Variants in KIRREL3 observed in about 807,000 individuals in gnomAD.
The protein encoded by KIRREL3 is kirre like nephrin family adhesion molecule 3.
Under a neutral mutation model 89.7 loss-of-function variants are expected in KIRREL3, and 36 were observed. The ratio of observed to expected loss-of-function variants is 0.40; its 90% confidence interval spans 0.31 to 0.53. The LOEUF is 0.53. KIRREL3 is among the 20% of genes least tolerant of loss of function. KIRREL3 has a pLI of 0.49. For synonymous variants in KIRREL3, 445 were observed against 441.4 expected (o/e 1.01, Z -0.10); for missense variants, 864 against 1,056.6 (o/e 0.82, Z 2.53).
At chr11:126,984,160 C>A (rs1019421670) in intron 1 of KIRREL3, among the ~76,000 whole-genome samples, 1 of 152,140 alleles carries the variant, frequency 6.6e-6, no homozygotes, top group South Asian at 2.1e-4. Context: ...GACACTGACC[C>A]AGAGGAAGGC....
Position 126,544,983 on chromosome 11 carries a change from C to G in KIRREL3, c.133+17852G>C, listed in dbSNP as rs146469920. Among the ~76,000 whole-genome samples, 1 of 152,140 alleles carries G rather than the reference C, an allele frequency of 6.6e-6. No individual in the cohort carries two copies. The highest frequency in any genetic ancestry group is 6.5e-5 in the Admixed American group (1 of 15,274). ...GCAATCTAATAAATTACTTGGTACC[C>G]GGCTGCCAGCTCAGACTAAGCCCAA... On this transcript the variant is annotated intron_variant, in intron 2 of 16. Transcript: ENST00000525144. This position sits in a 1 kb window ranked among gnomAD's most constrained non-coding sequence, Gnocchi z 5.6.
rs546841253 is a variant in KIRREL3 at position 126,739,919 on chromosome 11, T to C, written c.56-177007A>G. 5.3e-5 allele frequency among the ~76,000 whole-genome samples: 8 copies of C among 152,266 alleles called. No homozygotes were observed. The highest frequency in any genetic ancestry group is 1.9e-4 in the African/African-American group (8 of 41,540). On this transcript the variant is annotated intron_variant, in intron 1 of 16. Transcript: ENST00000525144. The surrounding 1 kb of genome is among the most constrained non-coding windows in gnomAD (Gnocchi z 5.5). ...TTTGATCAGTTTGACGGGTTTAGTA[T>C]TATAGAAATATTTCATTGTTTCAGC... is the stretch of plus-strand genomic sequence containing the variant.
intron 1 of KIRREL3, among the ~76,000 whole-genome samples, chr11:126,901,138 T>C (rs1946353372): frequency 7.1e-6 from 1 of 140,474 alleles, no homozygotes; most frequent in Non-Finnish European, 1.5e-5. Context: ...CGCTTGAACC[T>C]GGGAGGCAGA....
At chr11:126,869,877 T>G (rs1362974537) in intron 1 of KIRREL3, among the ~76,000 whole-genome samples, 1 of 152,206 alleles carries the variant, frequency 6.6e-6, no homozygotes, top group Non-Finnish European at 1.5e-5. Flanking sequence ...TCCAGTGCCT[T>G]TCTCTGGCTT....
chr11:126,503,476 T>C (rs1287455768), intron 4 of KIRREL3, among the ~76,000 whole-genome samples: 3 of 152,042 alleles, frequency 2.0e-5, no homozygotes, highest in Admixed American at 6.5e-5. Flanking sequence ...AAGTCTCCAG[T>C]GTGGTATAAA....
chr11:126,728,519 C>T (rs190244673), intron 1 of KIRREL3, among the ~76,000 whole-genome samples: 4 of 152,272 alleles, frequency 2.6e-5, no homozygotes, highest in East Asian at 1.9e-4. Flanking sequence ...CTGGCCCCTG[C>T]GGAGCTCAGG....
rs1178421269 is a variant in KIRREL3 at position 126,459,225 on chromosome 11, C to T, written c.743-2771G>A. 1.3e-5 allele frequency among the ~76,000 whole-genome samples: 2 copies of T among 152,048 alleles called. No homozygotes were observed. Among genetic ancestry groups the T allele is most frequent in the East Asian group, 1.9e-4 (1 of 5,184 alleles). ...AACTTGGGGGGCTGTTCCAGGAGGC[C>T]CTTCCCTCACCTGGGGGTCTTTTCT... On this transcript the variant is annotated intron_variant, in intron 6 of 16. Transcript: ENST00000525144. The surrounding 1 kb of genome is among the most constrained non-coding windows in gnomAD (Gnocchi z 4.8).
rs904247375 is a variant in KIRREL3, at chr11:126,965,186, T to C, written c.55+35269A>G. Among the ~76,000 whole-genome samples, 4 of 152,196 alleles carry C rather than the reference T, an allele frequency of 2.6e-5. No homozygotes were observed. The highest frequency in any genetic ancestry group is 5.9e-5 in the Non-Finnish European group (4 of 68,022). ...GGATGAGCAAAGGTCTACAGAACAG[T>C]GTCTTAATTAACATTCCTGGTCAAA... is the stretch of plus-strand genomic sequence containing the variant. On this transcript the variant is annotated intron_variant, in intron 1 of 16. Coordinates refer to ENST00000525144, the MANE Select transcript of KIRREL3 (RefSeq NM_032531.4). The surrounding 1 kb of genome is among the most constrained non-coding windows in gnomAD (Gnocchi z 4.4).
chr11:126,959,769 C>T (rs1275895734), intron 1 of KIRREL3, among the ~76,000 whole-genome samples: 1 of 151,666 alleles, frequency 6.6e-6, no homozygotes, highest in Non-Finnish European at 1.5e-5. Flanking sequence ...ATTACCCAAC[C>T]TGGGGGCCAC....
Position 126,443,071 on chromosome 11 carries a change from C to T in KIRREL3, c.1252+1908G>A, listed in dbSNP as rs932784345. The stretch of plus-strand genomic sequence containing the variant: ...CTCCTCAAGAAATCTCTTTAAATCT[C>T]CCTTGGAAATGTCTGAACGTCTAAA... On this transcript the variant is annotated intron_variant, in intron 10 of 16. Transcript: ENST00000525144. The surrounding 1 kb of genome is among the most constrained non-coding windows in gnomAD (Gnocchi z 7.3). Among the ~76,000 whole-genome samples, 6 of 152,336 alleles carry T rather than the reference C, an allele frequency of 3.9e-5. No homozygotes were observed. The highest frequency in any genetic ancestry group is 1.9e-4 in the East Asian group (1 of 5,180).
rs185373544 is a variant in KIRREL3 at position 126,895,862 on chromosome 11, G to A, written c.55+104593C>T. Among the ~76,000 whole-genome samples the A allele has an allele frequency of 9.2e-5, 14 of 152,288 alleles. No homozygotes were observed. In the East Asian group the frequency reaches 2.7e-3, roughly 29 times the overall value. Reference sequence around the variant, plus strand: ...CACATGACCCAGCTGCCCCCAGTAGGTGGCTGCCTCAGACCCTAGGCAATA... The same window carrying A: ...CACATGACCCAGCTGCCCCCAGTAGATGGCTGCCTCAGACCCTAGGCAATA... On this transcript the variant is annotated intron_variant, in intron 1 of 16. Transcript: ENST00000525144.
intron 2 of KIRREL3, among the ~76,000 whole-genome samples, chr11:126,547,083 A>C (rs1210870578): frequency 6.6e-6 from 1 of 152,232 alleles, no homozygotes; most frequent in African/African-American, 2.4e-5. Flanking sequence ...AAGAGTGTTC[A>C]CCCATGTTAC....
chr11:126,833,787 A>C (rs917568500), intron 1 of KIRREL3, among the ~76,000 whole-genome samples: 1 of 152,138 alleles, frequency 6.6e-6, no homozygotes, highest in African/African-American at 2.4e-5. Context: ...TGAGGGTCAC[A>C]TTTCTCTTTG....
chr11:126,802,543 T>G lies in KIRREL3; in HGVS notation c.55+197912A>C, dbSNP rs1415100516. Among the ~76,000 whole-genome samples the G allele has an allele frequency of 2.0e-5, 3 of 152,146 alleles. No homozygotes were observed. Among genetic ancestry groups the G allele is most frequent in the Non-Finnish European group, 4.4e-5 (3 of 68,038 alleles). On this transcript the variant is annotated intron_variant, in intron 1 of 16. Transcript: ENST00000525144. This position sits in a 1 kb window ranked among gnomAD's most constrained non-coding sequence, Gnocchi z 5.2. ...CACATCCCAAAGCTGTCACATGAGGTGACCTGGCATGTCTACATGGCCTCA... is the reference window on the plus strand; with the variant it reads ...CACATCCCAAAGCTGTCACATGAGGGGACCTGGCATGTCTACATGGCCTCA...
At position 126,424,406 on chromosome 11, in the gene KIRREL3, G is replaced by GGC; in HGVS notation, c.*173_*174insGC. On this transcript the variant is annotated 3_prime_UTR_variant, in exon 17 of 17. Coordinates refer to ENST00000525144, the MANE Select transcript of KIRREL3 (RefSeq NM_032531.4). ...CCACCTCTGGCACACAGCACCTGGG[G>GGC]ACCCAGATTTGTGCTTGATCAGAGC... 1.7e-6 allele frequency: 1 copy of GGC among 605,982 alleles called. No individual in the cohort carries two copies. The highest frequency in any genetic ancestry group is 2.9e-6 in the Non-Finnish European group (1 of 347,120). 37.5% of individuals were successfully genotyped at this position (605,982 alleles called of 1,614,324 possible).
chr11:126,939,091 G>C (rs2135101405), intron 1 of KIRREL3, among the ~76,000 whole-genome samples: 1 of 152,370 alleles, frequency 6.6e-6, no homozygotes. Flanking sequence ...TCAATGTATG[G>C]ATAGTATTGG....
rs924513204 is a variant in KIRREL3 at position 126,521,034 on chromosome 11, A to C, written c.433+281T>G. 6.6e-6 allele frequency among the ~76,000 whole-genome samples: 1 copy of C among 152,204 alleles called. No homozygotes were observed. ...ATGCTTTCTGATGGAATAAATAAGCATGTAGGAGCCCTCATTAGCTGCCTA... is the reference window on the plus strand; with the variant it reads ...ATGCTTTCTGATGGAATAAATAAGCCTGTAGGAGCCCTCATTAGCTGCCTA... On this transcript the variant is annotated intron_variant, in intron 4 of 16. Coordinates refer to ENST00000525144, the MANE Select transcript of KIRREL3 (RefSeq NM_032531.4). The surrounding 1 kb of genome is among the most constrained non-coding windows in gnomAD (Gnocchi z 4.1).
intron 8 of KIRREL3, among the ~76,000 whole-genome samples, chr11:126,447,202 T>C (rs1193240592): frequency 6.6e-6 from 1 of 152,156 alleles, no homozygotes; most frequent in Non-Finnish European, 1.5e-5. Flanking sequence ...CCCCCACGGC[T>C]CTCATCCCCT....
chr11:126,504,321 A>G (rs1393920874), intron 4 of KIRREL3, among the ~76,000 whole-genome samples: 1 of 152,120 alleles, frequency 6.6e-6, no homozygotes, highest in East Asian at 1.9e-4. Flanking sequence ...TTCTCAACCT[A>G]GCAGCCAGGG....
Sources: allele counts gnomAD v4.1 joint callset (sites outside exome capture counted in the v4.1 genomes callset), GRCh38; gene constraint gnomAD v4.1.1; non-coding constraint Gnocchi (gnomAD v3.1); transcripts MANE v1.5; gene names NCBI Gene and HGNC (gene_info 2026-07-23, HGNC 2026-07-21).